Variants in GPD1L observed in about 807,000 individuals in gnomAD.
The protein encoded by GPD1L is glycerol-3-phosphate dehydrogenase 1-like protein.
GPD1L carries 17 observed loss-of-function variants against 32.9 expected under a neutral mutation model. That is an observed-to-expected ratio of 0.52 (90% confidence interval 0.35 to 0.78). The LOEUF (loss-of-function observed/expected upper bound fraction) is 0.78. Ranked by LOEUF, GPD1L falls within the 30% of genes least tolerant of loss-of-function variation. The probability of loss-of-function intolerance (pLI) is 0.01; values close to 1 mark genes in which losing one functional copy is unlikely to be tolerated. For missense variants in GPD1L, 361 were observed against 447.8 expected (o/e 0.81, Z 1.75); for synonymous variants, 187 against 165.9 (o/e 1.13, Z -0.98).
At chr3:32,130,465 T>C (rs1700571374) in intron 2 of GPD1L, among the ~76,000 whole-genome samples, 1 of 152,162 alleles carries the variant, frequency 6.6e-6, no homozygotes, top group Non-Finnish European at 1.5e-5. Flanking sequence ...ATGCTGTCAT[T>C]TGATGTGCTG....
intron 1 of GPD1L, among the ~76,000 whole-genome samples, chr3:32,110,699 AG>A (rs1458635121): frequency 1.3e-5 from 2 of 152,196 alleles, no homozygotes; most frequent in East Asian, 3.9e-4. Context: ...AGGCTAGAGG[AG>A]GGGCCGTCAT....
intron 1 of GPD1L, among the ~76,000 whole-genome samples, chr3:32,117,889 C>G (rs547003069): frequency 6.6e-6 from 1 of 152,294 alleles, no homozygotes; most frequent in South Asian, 2.1e-4. Flanking sequence ...TAATCACTGA[C>G]CATTCCTCCA....
At chr3:32,121,214 T>C (rs935951590) in intron 1 of GPD1L, among the ~76,000 whole-genome samples, 1 of 151,962 alleles carries the variant, frequency 6.6e-6, no homozygotes, top group Non-Finnish European at 1.5e-5. Context: ...CCATTTCTCT[T>C]GCACTGTCTC....
Position 32,166,061 on chromosome 3 carries a change from A to G in GPD1L, c.*151A>G, listed in dbSNP as rs1373841011. 5.8e-6 allele frequency: 4 copies of G among 687,376 alleles called. No homozygotes were observed. The highest frequency in any genetic ancestry group is 1.1e-5 in the Non-Finnish European group (4 of 373,756). The allele number at this position is 687,376 out of a possible 1,614,324, so 42.6% of individuals were successfully genotyped here. On this transcript the variant is annotated 3_prime_UTR_variant, in exon 8 of 8. Coordinates refer to ENST00000282541, the MANE Select transcript of GPD1L (RefSeq NM_015141.4). The stretch of plus-strand genomic sequence containing the variant: ...TACAGGTTCGTTTTTGAATTGTGAG[A>G]GGCAGTTCATTAGCAAAGATGTACT...
chr3:32,131,229 C>T lies in GPD1L; in HGVS notation c.225+2976C>T, dbSNP rs148219334. ...CCATGAAATATAGTTGCCGTTGCCTCTCATCTCCTGCCTCCTTTTTAAAAA... is the reference window on the plus strand; with the variant it reads ...CCATGAAATATAGTTGCCGTTGCCTTTCATCTCCTGCCTCCTTTTTAAAAA... On this transcript the variant is annotated intron_variant, in intron 2 of 7. Transcript: ENST00000282541. Among the ~76,000 whole-genome samples, 40 of 152,200 alleles carry T rather than the reference C, an allele frequency of 2.6e-4. 1 individual carries two copies. Among genetic ancestry groups the T allele is most frequent in the African/African-American group, 7.9e-4 (33 of 41,516 alleles).
chr3:32,114,411 C>T (rs1025426315), intron 1 of GPD1L, among the ~76,000 whole-genome samples: 1 of 152,180 alleles, frequency 6.6e-6, no homozygotes, highest in Non-Finnish European at 1.5e-5. Flanking sequence ...TCATAGTTTC[C>T]TAAATCTGTG....
intron 4 of GPD1L, among the ~76,000 whole-genome samples, chr3:32,144,799 C>G (rs986335624): frequency 6.7e-6 from 1 of 150,206 alleles, no homozygotes; most frequent in Non-Finnish European, 1.5e-5. Flanking sequence ...GATTCTAATG[C>G]CTCAGCCTCC....
At chr3:32,136,302 T>C (rs1348946767) in intron 2 of GPD1L, among the ~76,000 whole-genome samples, 4 of 152,194 alleles carry the variant, frequency 2.6e-5, no homozygotes. Context: ...TTCAGGCTAC[T>C]CCTGAAGAAT....
At chr3:32,120,966 G>C (rs376163052) in intron 1 of GPD1L, among the ~76,000 whole-genome samples, 114 of 152,214 alleles carry the variant, frequency 7.5e-4, no homozygotes, top group African/African-American at 2.6e-3. Flanking sequence ...GCCAAGCTGG[G>C]GGTTAGGACC....
At chr3:32,141,985 T>C (rs1471305213) in intron 4 of GPD1L, among the ~76,000 whole-genome samples, 1 of 152,156 alleles carries the variant, frequency 6.6e-6, no homozygotes, top group African/African-American at 2.4e-5. Context: ...CTGTTGTTGC[T>C]ATCTTTATGT....
rs1161992876 is a variant in GPD1L at position 32,121,711 on chromosome 3, C to A, written c.48-6365C>A. Among the ~76,000 whole-genome samples the A allele has an allele frequency of 6.5e-5, 8 of 123,472 alleles. 1 individual carries two copies. The highest frequency in any genetic ancestry group is 2.1e-4 in the African/African-American group (7 of 32,676). 81.0% of individuals were successfully genotyped at this position (123,472 alleles called of 152,430 possible). On this transcript the variant is annotated intron_variant, in intron 1 of 7. Coordinates refer to ENST00000282541, the MANE Select transcript of GPD1L (RefSeq NM_015141.4). ...TATATATATATTTATATATATATTT[C>A]TACATATATTTCTATATATATATTT...
chr3:32,153,352 A>T (rs1269277062), intron 5 of GPD1L, among the ~76,000 whole-genome samples: 1 of 152,242 alleles, frequency 6.6e-6, no homozygotes, highest in Non-Finnish European at 1.5e-5. Context: ...AAAACTAAAA[A>T]TTCCATTTCG....
chr3:32,113,834 G>A (rs1280434380), intron 1 of GPD1L, among the ~76,000 whole-genome samples: 1 of 152,116 alleles, frequency 6.6e-6, no homozygotes, highest in Non-Finnish European at 1.5e-5. Context: ...CTGGTGACTT[G>A]GTTGGACACT....
intron 5 of GPD1L, among the ~76,000 whole-genome samples, chr3:32,147,680 T>G (rs1240080743): frequency 6.6e-6 from 1 of 152,168 alleles, no homozygotes; most frequent in Non-Finnish European, 1.5e-5. Flanking sequence ...CACTTCTGAG[T>G]CATCTCTTTT....
chr3:32,130,189 C>T (rs535981650), intron 2 of GPD1L, among the ~76,000 whole-genome samples: 2 of 152,116 alleles, frequency 1.3e-5, no homozygotes, highest in Admixed American at 1.3e-4. Flanking sequence ...AGAGCCTGCC[C>T]CCCACTTGAC....
chr3:32,126,287 T>C (rs1700506873), intron 1 of GPD1L, among the ~76,000 whole-genome samples: 1 of 152,216 alleles, frequency 6.6e-6, no homozygotes, highest in South Asian at 2.1e-4. Context: ...TTGCAAATGT[T>C]TGGCTTCCCC....
At chr3:32,147,819 T>C (rs1009236539) in intron 5 of GPD1L, among the ~76,000 whole-genome samples, 9 of 152,160 alleles carry the variant, frequency 5.9e-5, no homozygotes, top group Non-Finnish European at 1.0e-4. Context: ...TTCTCATAAA[T>C]TGTATATGTT....
At chr3:32,127,221 C>G (rs575610309) in intron 1 of GPD1L, among the ~76,000 whole-genome samples, 1 of 152,190 alleles carries the variant, frequency 6.6e-6, no homozygotes, top group African/African-American at 2.4e-5. Context: ...TTGCAAGATG[C>G]TCTTTACTGC....
In GPD1L at chr3:32,168,171, T is replaced by C. The variant is rs918372541; in HGVS notation, c.*2261T>C. 3.3e-5 allele frequency: 5 copies of C among 152,092 alleles called. No homozygotes were observed. Among genetic ancestry groups the C allele is most frequent in the African/African-American group, 1.2e-4 (5 of 41,424 alleles). The allele number at this position is 152,092 out of a possible 1,614,324, so 9.4% of individuals were successfully genotyped here. Reference sequence around the variant, plus strand: ...CACTCTGAAGTCTGCTGACTGTGTCTCTTGAACATACTTAGGATATTCTGC... The same window carrying C: ...CACTCTGAAGTCTGCTGACTGTGTCCCTTGAACATACTTAGGATATTCTGC... On this transcript the variant is annotated 3_prime_UTR_variant, in exon 8 of 8. Transcript: ENST00000282541.
Sources: allele counts gnomAD v4.1 joint callset (sites outside exome capture counted in the v4.1 genomes callset), GRCh38; gene constraint gnomAD v4.1.1; transcripts MANE v1.5; gene names NCBI Gene and HGNC (gene_info 2026-07-23, HGNC 2026-07-21).